Variants in LUZP2 observed in about 807,000 individuals in gnomAD.
LUZP2 encodes leucine zipper protein 2.
A neutral mutation model predicts 51.6 loss-of-function variants in LUZP2; 52 were observed. That is an observed-to-expected ratio of 1.01 (90% CI 0.81 to 1.27). The LOEUF (loss-of-function observed/expected upper bound fraction) is 1.27. LUZP2 is among the 50% of genes most tolerant of loss of function. The pLI, the probability that LUZP2 is intolerant of heterozygous loss-of-function variation, is 0.00. For synonymous variants in LUZP2, 154 were observed against 137.3 expected, an observed-to-expected ratio of 1.12 and a Z score of -0.85; for missense variants, 436 against 395.4, an observed-to-expected ratio of 1.10 and a Z score of -0.87.
At chr11:24,972,249 C>A (rs940575356) in intron 7 of LUZP2, among the ~76,000 whole-genome samples, 1 of 150,422 alleles carries the variant, frequency 6.6e-6, no homozygotes, top group African/African-American at 2.4e-5. Flanking sequence ...ATACAAGCTT[C>A]CTGAATTGTT....
rs891847573 is a variant in LUZP2, at chr11:24,983,386, T to C, written c.765+93T>C. On this transcript the variant is annotated intron_variant, in intron 9 of 11. Coordinates refer to ENST00000336930, the MANE Select transcript of LUZP2 (RefSeq NM_001009909.4). ...ATATAATCACCAGAGTGGATTCAAG[T>C]ATGATAACAAATCCATTGAAAGATT... The C allele has an allele frequency of 6.4e-6, 8 of 1,244,928 alleles. No homozygotes were observed. In the African/African-American group the frequency reaches 7.6e-5, roughly 12 times the overall value. 77.1% of individuals were successfully genotyped at this position (1,244,928 alleles called of 1,614,324 possible). A position where few individuals can be genotyped will look rare whatever the true frequency, so the allele number is the denominator to read the frequency against.
chr11:24,889,977 A>C (rs1195801186), intron 5 of LUZP2, among the ~76,000 whole-genome samples: 1 of 152,192 alleles, frequency 6.6e-6, no homozygotes, highest in Non-Finnish European at 1.5e-5. Flanking sequence ...TCTCTGCTTT[A>C]ACACCTTAGA....
At chr11:24,927,277 T>C (rs1305995646) in intron 7 of LUZP2, among the ~76,000 whole-genome samples, 1 of 152,082 alleles carries the variant, frequency 6.6e-6, no homozygotes, top group Non-Finnish European at 1.5e-5. Context: ...GTTCCATCTA[T>C]TTATCTTTGT....
intron 3 of LUZP2, 110 bp from the exon 4 acceptor site, chr11:24,738,111 T>C: frequency 1.5e-6 from 1 of 646,078 alleles, no homozygotes; most frequent in East Asian, 2.8e-5. Flanking sequence ...GCACTTCTAG[T>C]TGTCTATGTC....
chr11:25,022,267 A>G (rs1274541514), intron 9 of LUZP2, among the ~76,000 whole-genome samples: 4 of 152,038 alleles, frequency 2.6e-5, no homozygotes, highest in Non-Finnish European at 5.9e-5. Context: ...TTATGAAAGT[A>G]CCTCTTTTAC....
rs182657721 is a variant in LUZP2 at position 25,008,839 on chromosome 11, G to A, written c.765+25546G>A. On this transcript the variant is annotated intron_variant, in intron 9 of 11. Transcript: ENST00000336930. ...GTATATATGGATTCAGAAAGGGGAAGTGTGTGCTGATTGGCCCATGGGCGG... is the reference window on the plus strand; with the variant it reads ...GTATATATGGATTCAGAAAGGGGAAATGTGTGCTGATTGGCCCATGGGCGG... 3.3e-3 allele frequency among the ~76,000 whole-genome samples: 501 copies of A among 152,286 alleles called. 3 individuals are homozygous for A. Among genetic ancestry groups the A allele is most frequent in the African/African-American group, 0.011 (477 of 41,576 alleles).
At chr11:24,941,389 TTAAA>T (rs1854741135) in intron 7 of LUZP2, among the ~76,000 whole-genome samples, 1 of 152,126 alleles carries the variant, frequency 6.6e-6, no homozygotes, top group Non-Finnish European at 1.5e-5. Flanking sequence ...ATCACAAACT[TTAAA>T]TACGCAAATA....
At chr11:24,697,044 T>C (rs1054278751) in intron 1 of LUZP2, among the ~76,000 whole-genome samples, 1 of 152,138 alleles carries the variant, frequency 6.6e-6, no homozygotes, top group African/African-American at 2.4e-5. Context: ...GGATTAAATA[T>C]GAAATTAGGC....
intron 9 of LUZP2, among the ~76,000 whole-genome samples, chr11:25,009,223 T>C (rs1565222561): frequency 6.6e-6 from 1 of 152,324 alleles, no homozygotes; most frequent in East Asian, 1.9e-4. Flanking sequence ...TCATAATTCA[T>C]TTGTTTATGA....
chr11:24,765,411 A>G lies in LUZP2; in HGVS notation c.396+2103A>G, dbSNP rs569381812. 2.6e-4 allele frequency among the ~76,000 whole-genome samples: 39 copies of G among 152,316 alleles called. 1 individual carries two copies. In the South Asian group the frequency reaches 7.0e-3, roughly 28 times the overall value. On this transcript the variant is annotated intron_variant, in intron 5 of 11. Transcript: ENST00000336930. ...GAGTGAGGGAATTAGGGAAGTGCCAAAAGATGAAGGCTAAGTCCCTCCTAT... is the reference window on the plus strand; with the variant it reads ...GAGTGAGGGAATTAGGGAAGTGCCAGAAGATGAAGGCTAAGTCCCTCCTAT...
Position 25,003,308 on chromosome 11 carries a change from C to T in LUZP2, c.765+20015C>T, listed in dbSNP as rs533527971. On this transcript the variant is annotated intron_variant, in intron 9 of 11. Coordinates refer to ENST00000336930, the MANE Select transcript of LUZP2 (RefSeq NM_001009909.4). ...TAAACCCTTGGGGCAAGATGGTCCACGTAAGTTGGGATGTGTGGTCTGTGG... is the reference window on the plus strand; with the variant it reads ...TAAACCCTTGGGGCAAGATGGTCCATGTAAGTTGGGATGTGTGGTCTGTGG... 3.0e-3 allele frequency among the ~76,000 whole-genome samples: 457 copies of T among 152,252 alleles called. 3 individuals are homozygous for T. The highest frequency in any genetic ancestry group is 4.3e-3 in the Non-Finnish European group (295 of 68,028).
chr11:24,763,742 A>G (rs1860073731), intron 5 of LUZP2, among the ~76,000 whole-genome samples: 1 of 152,204 alleles, frequency 6.6e-6, no homozygotes, highest in African/African-American at 2.4e-5. Flanking sequence ...ACAAGTTGTA[A>G]TCATTTCCAT....
rs150800585 is a variant in LUZP2 at position 24,545,628 on chromosome 11, C to G, written c.62+48323C>G. On this transcript the variant is annotated intron_variant, in intron 1 of 11. Coordinates refer to ENST00000336930, the MANE Select transcript of LUZP2 (RefSeq NM_001009909.4). Reference sequence around the variant, plus strand: ...CAGTCTTATTTCTGGGTTCTCTATTCTGTTCCATTGGTCTGTGTGTCTGTT... The same window carrying G: ...CAGTCTTATTTCTGGGTTCTCTATTGTGTTCCATTGGTCTGTGTGTCTGTT... Among the ~76,000 whole-genome samples, 700 of 124,250 alleles carry G rather than the reference C, an allele frequency of 5.6e-3. 10 individuals are homozygous for G. The highest frequency in any genetic ancestry group is 0.02 in the African/African-American group (674 of 33,478). 81.5% of individuals were successfully genotyped at this position (124,250 alleles called of 152,430 possible). A position where few individuals can be genotyped will look rare whatever the true frequency, so the allele number is the denominator to read the frequency against.
chr11:24,789,078 A>T (rs911947159), intron 5 of LUZP2, among the ~76,000 whole-genome samples: 1 of 152,182 alleles, frequency 6.6e-6, no homozygotes, highest in Non-Finnish European at 1.5e-5. Flanking sequence ...TCCATGCTGC[A>T]TAGTGTTCAT....
chr11:24,767,560 T>G (rs1034788876), intron 5 of LUZP2, among the ~76,000 whole-genome samples: 1 of 152,218 alleles, frequency 6.6e-6, no homozygotes, highest in African/African-American at 2.4e-5. Flanking sequence ...TCTGTGTGTT[T>G]AAGCTCAAGT....
chr11:24,595,460 G>A (rs1853410767), intron 1 of LUZP2, among the ~76,000 whole-genome samples: 1 of 152,076 alleles, frequency 6.6e-6, no homozygotes, highest in African/African-American at 2.4e-5. Context: ...TCTCTTCGGG[G>A]GCAAAGCGCT....
At chr11:24,684,216 T>C (rs1304318861) in intron 1 of LUZP2, among the ~76,000 whole-genome samples, 3 of 152,138 alleles carry the variant, frequency 2.0e-5, no homozygotes, top group Non-Finnish European at 4.4e-5. Context: ...TTATGAATAT[T>C]TAATTTGTTT....
intron 5 of LUZP2, among the ~76,000 whole-genome samples, chr11:24,825,402 TC>T (rs1197652645): frequency 1.3e-5 from 2 of 152,126 alleles, no homozygotes; most frequent in East Asian, 3.9e-4. Context: ...TTCCCCATTT[TC>T]CCCTCTTCTG....
intron 5 of LUZP2, among the ~76,000 whole-genome samples, chr11:24,828,808 GAA>G (rs1207691957): frequency 2.0e-5 from 3 of 152,104 alleles, no homozygotes; most frequent in Non-Finnish European, 4.4e-5. Context: ...GGGTCACAAA[GAA>G]AAGTGAATTT....
Sources: allele counts gnomAD v4.1 joint callset (sites outside exome capture counted in the v4.1 genomes callset), GRCh38; gene constraint gnomAD v4.1.1; transcripts MANE v1.5; gene names NCBI Gene and HGNC (gene_info 2026-07-23, HGNC 2026-07-21).